The following SEL1L2 variants were observed in gnomAD, a reference collection of about 807,000 sequenced individuals.
SEL1L2 encodes SEL1L2 adaptor subunit of SYVN1 ubiquitin ligase.
In SEL1L2, 89 loss-of-function variants were observed where a neutral mutation model predicts 98.8. That is an observed-to-expected ratio of 0.90 (90% CI 0.76 to 1.07). The LOEUF is 1.07. Ranked by LOEUF, SEL1L2 falls within the 50% of genes least tolerant of loss-of-function variation. The probability of loss-of-function intolerance (pLI) is 0.00; values close to 1 mark genes in which losing one functional copy is unlikely to be tolerated. For missense variants in SEL1L2, 788 were observed against 812.0 expected (o/e 0.97, Z 0.36); for synonymous variants, 262 against 278.5 (o/e 0.94, Z 0.59).
At position 13,887,988 on chromosome 20, in the gene SEL1L2, T is replaced by C; in HGVS notation, c.617A>G (p.Tyr206Cys). The change falls in exon 7 of 20, where the codon TAC becomes TGC. Residue 206 changes from tyrosine (Y) to cysteine (C), a missense_variant. Physicochemically the swap from Tyr to Cys is radical, Grantham distance 194 (BLOSUM62 -2). Coordinates refer to ENST00000284951, the MANE Select transcript of SEL1L2 (RefSeq NM_025229.2). Reference sequence around the variant, plus strand: ...GTTTCCTCCAGCACTTCCAAAGGTGTAATATATCAGTGCCTAAAGTAAAAA... The same window carrying C: ...GTTTCCTCCAGCACTTCCAAAGGTGCAATATATCAGTGCCTAAAGTAAAAA... ...EYDQAKALIY[Y>C]TFGSAGGNMM... The C allele has an allele frequency of 6.2e-7, 1 of 1,613,598 alleles. No homozygotes were observed. The highest frequency in any genetic ancestry group is 8.5e-7 in the Non-Finnish European group (1 of 1,179,806).
intron 10 of SEL1L2, among the ~76,000 whole-genome samples, chr20:13,884,364 C>A (rs1238666316): frequency 6.6e-6 from 1 of 152,058 alleles, no homozygotes; most frequent in East Asian, 1.9e-4. Flanking sequence ...GGCCTTGAAA[C>A]CACTATCAAA....
Position 13,865,461 on chromosome 20 carries a change from A to G in SEL1L2, c.1458T>C (p.Ala486=). Residue 486 remains alanine (A), a synonymous_variant, in exon 16 of 20, where the codon GCT becomes GCC. Transcript: ENST00000284951. The stretch of plus-strand genomic sequence containing the variant: ...TATCACCATCCTTATAGGCAAAGTA[A>G]GCTGTCAGGAATTTCTCAGCCCAGT... ...LGHWAEKFLT[A]YFAYKDGDID... 6.2e-7 allele frequency: 1 copy of G among 1,614,118 alleles called. No individual in the cohort carries two copies.
At chr20:13,980,247 G>C (rs1016162749) in intron 1 of SEL1L2, among the ~76,000 whole-genome samples, 2 of 152,186 alleles carry the variant, frequency 1.3e-5, no homozygotes, top group Admixed American at 1.3e-4. Context: ...ACAGAGTCTT[G>C]CTTTGTTGCC....
intron 12 of SEL1L2, among the ~76,000 whole-genome samples, chr20:13,870,519 A>G (rs1336623312): frequency 2.0e-5 from 3 of 152,220 alleles, no homozygotes; most frequent in Non-Finnish European, 4.4e-5. Context: ...TGAAGAAGCC[A>G]TGATCCCTGC....
chr20:13,947,083 A>G (rs906942587), intron 2 of SEL1L2, among the ~76,000 whole-genome samples: 1 of 151,696 alleles, frequency 6.6e-6, no homozygotes, highest in Non-Finnish European at 1.5e-5. Flanking sequence ...GTCCCCACTG[A>G]AACCCCACCT....
intron 1 of SEL1L2, among the ~76,000 whole-genome samples, chr20:13,958,000 T>C (rs376831394): frequency 3.9e-4 from 59 of 152,316 alleles, no homozygotes; most frequent in African/African-American, 1.2e-3. Flanking sequence ...AGGTTCAAGA[T>C]ATGAATAAGT....
chr20:13,934,781 T>G (rs1240107239), intron 2 of SEL1L2, among the ~76,000 whole-genome samples: 1 of 151,868 alleles, frequency 6.6e-6, no homozygotes, highest in Non-Finnish European at 1.5e-5. Flanking sequence ...ATCTGTTTTT[T>G]TTTATTTTTT....
intron 15 of SEL1L2, among the ~76,000 whole-genome samples, chr20:13,865,823 G>A (rs934066707): frequency 6.4e-5 from 6 of 93,064 alleles, no homozygotes; most frequent in African/African-American, 1.7e-4. Flanking sequence ...TATCGCTAGT[G>A]TGTGTGTCTG....
intron 12 of SEL1L2, among the ~76,000 whole-genome samples, chr20:13,875,823 G>A (rs1184744925): frequency 6.6e-6 from 1 of 152,182 alleles, no homozygotes; most frequent in Non-Finnish European, 1.5e-5. Flanking sequence ...GCCTCTGCTA[G>A]GGCAGCACAA....
intron 12 of SEL1L2, 158 bp from the exon 13 acceptor site, chr20:13,870,361 T>A: frequency 1.8e-6 from 1 of 562,014 alleles, no homozygotes; most frequent in South Asian, 2.7e-5. Flanking sequence ...CCTTTTATAC[T>A]TTCATAAACC....
intron 3 of SEL1L2, among the ~76,000 whole-genome samples, chr20:13,926,512 A>G (rs1243841687): frequency 6.6e-6 from 1 of 152,076 alleles, no homozygotes; most frequent in Non-Finnish European, 1.5e-5. Flanking sequence ...GGTTAGGGTT[A>G]GATGATCCTG....
At chr20:13,955,676 A>G (rs992851324) in intron 2 of SEL1L2, among the ~76,000 whole-genome samples, 1 of 152,218 alleles carries the variant, frequency 6.6e-6, no homozygotes, top group Non-Finnish European at 1.5e-5. Context: ...TGAATCCCCT[A>G]CTTCCAAAAT....
intron 2 of SEL1L2, among the ~76,000 whole-genome samples, chr20:13,934,827 A>T (rs1327516380): frequency 6.6e-6 from 1 of 151,752 alleles, no homozygotes; most frequent in Non-Finnish European, 1.5e-5. Context: ...AGCTGGTATC[A>T]CATTGTGGTT....
At chr20:13,851,158 C>G (rs979978167) in intron 18 of SEL1L2, among the ~76,000 whole-genome samples, 4 of 152,014 alleles carry the variant, frequency 2.6e-5, no homozygotes, top group Non-Finnish European at 4.4e-5. Context: ...ACCCGGGAGG[C>G]AGCGGTTGCA....
chr20:13,916,917 G>A (rs1488172481), intron 4 of SEL1L2, among the ~76,000 whole-genome samples: 2 of 152,118 alleles, frequency 1.3e-5, no homozygotes, highest in African/African-American at 4.8e-5. Flanking sequence ...AGGCATGAAG[G>A]TTCCCACACT....
At chr20:13,953,089 GAC>G (rs2050349191) in intron 2 of SEL1L2, among the ~76,000 whole-genome samples, 1 of 152,110 alleles carries the variant, frequency 6.6e-6, no homozygotes, top group South Asian at 2.1e-4. Context: ...CCAAACCTTA[GAC>G]TGGTTGGCTT....
At chr20:13,921,646 CTT>C (rs2048673611) in intron 3 of SEL1L2, among the ~76,000 whole-genome samples, 1 of 152,102 alleles carries the variant, frequency 6.6e-6, no homozygotes, top group South Asian at 2.1e-4. Context: ...TAAAGTATTA[CTT>C]TCAATAAACA....
intron 1 of SEL1L2, among the ~76,000 whole-genome samples, chr20:13,958,591 T>C (rs1405876230): frequency 6.6e-6 from 1 of 152,188 alleles, no homozygotes; most frequent in Non-Finnish European, 1.5e-5. Context: ...CAACAACACA[T>C]TTGGCCCAGG....
chr20:13,899,990 T>A (rs1242194189), intron 5 of SEL1L2, among the ~76,000 whole-genome samples: 2 of 152,218 alleles, frequency 1.3e-5, no homozygotes, highest in Non-Finnish European at 2.9e-5. Context: ...TATTAAGGCA[T>A]TTTGGAATGA....
Sources: allele counts gnomAD v4.1 joint callset (sites outside exome capture counted in the v4.1 genomes callset), GRCh38; gene constraint gnomAD v4.1.1; transcripts MANE v1.5; gene names NCBI Gene and HGNC (gene_info 2026-07-23, HGNC 2026-07-21).